Variants in OSBPL8 observed in about 807,000 individuals in gnomAD.
OSBPL8 encodes the protein oxysterol-binding protein-related protein 8.
Under a neutral mutation model 125.5 loss-of-function variants are expected in OSBPL8, and 59 were observed. The observed-to-expected ratio is 0.47, with a 90% CI of 0.38 to 0.58. OSBPL8 has a LOEUF of 0.58. OSBPL8 is among the 20% of genes least tolerant of loss of function. The pLI is 0.00. For missense variants in OSBPL8, 758 were observed against 1,047.8 expected (o/e 0.72, Z 3.82); for synonymous variants, 330 against 338.9 (o/e 0.97, Z 0.29).
chr12:76,363,936 C>T (rs929785783), intron 21 of OSBPL8, among the ~76,000 whole-genome samples: 1 of 152,150 alleles, frequency 6.6e-6, no homozygotes, highest in African/African-American at 2.4e-5. Context: ...CAATGCAAAT[C>T]AAAACCACAA....
In OSBPL8 at chr12:76,450,871, G is replaced by C; in HGVS notation, c.197C>G (p.Pro66Arg). ...TKDLHQPSLS[P>R]ASPHSQGFER... ...CCTACCCTGGCTATGAGGACTTGCT[G>C]GACTAAGAGATGGCTGATGCAAATC... The change falls in exon 4 of 24, where the codon CCA becomes CGA. Residue 66 changes from proline to arginine, a missense_variant. Transcript: ENST00000261183. The C allele has an allele frequency of 6.2e-7, 1 of 1,612,352 alleles. No homozygotes were observed. Among genetic ancestry groups the C allele is most frequent in the African/African-American group, 1.3e-5 (1 of 74,958 alleles).
chr12:76,436,992 C>A (rs1054415421), intron 4 of OSBPL8, among the ~76,000 whole-genome samples: 13 of 152,030 alleles, frequency 8.6e-5, no homozygotes, highest in African/African-American at 3.1e-4. Context: ...CATATTGATT[C>A]CTGTAGCTTT....
chr12:76,553,976 C>CAAAAAA (rs11395533), intron 1 of OSBPL8, among the ~76,000 whole-genome samples: 2 of 95,702 alleles, frequency 2.1e-5, no homozygotes, highest in African/African-American at 4.2e-5. Context: ...GACTCTATCT[C>CAAAAAA]AAAAAAAAAA....
At chr12:76,418,807 T>G (rs1869078540) in intron 4 of OSBPL8, among the ~76,000 whole-genome samples, 1 of 152,116 alleles carries the variant, frequency 6.6e-6, no homozygotes, top group South Asian at 2.1e-4. Context: ...TGCTCCAGCC[T>G]GGGCGACAGA....
chr12:76,431,352 G>A (rs1254554396), intron 4 of OSBPL8, among the ~76,000 whole-genome samples: 2 of 150,786 alleles, frequency 1.3e-5, no homozygotes, highest in Non-Finnish European at 3.0e-5. Flanking sequence ...TGAGAGAAAG[G>A]AAGAAGAGAA....
intron 4 of OSBPL8, among the ~76,000 whole-genome samples, chr12:76,430,585 A>G (rs1870690195): frequency 1.3e-5 from 2 of 152,236 alleles, no homozygotes; most frequent in Admixed American, 1.3e-4. Flanking sequence ...CAAATAATTC[A>G]AAATGATTTT....
intron 1 of OSBPL8, among the ~76,000 whole-genome samples, chr12:76,492,925 TA>T: frequency 6.6e-6 from 1 of 150,814 alleles, no homozygotes; most frequent in African/African-American, 2.5e-5. Flanking sequence ...TATATATAGA[TA>T]TATATAGATA....
intron 1 of OSBPL8, among the ~76,000 whole-genome samples, chr12:76,538,480 T>C (rs1217753019): frequency 2.0e-5 from 3 of 152,196 alleles, no homozygotes; most frequent in African/African-American, 4.8e-5. Context: ...GACACAGCTA[T>C]AGATTATTTT....
At chr12:76,529,647 T>TG (rs1364418683) in intron 1 of OSBPL8, among the ~76,000 whole-genome samples, 1 of 151,998 alleles carries the variant, frequency 6.6e-6, no homozygotes, top group Non-Finnish European at 1.5e-5. Context: ...AAGAAGCTAG[T>TG]GGGGGAAGAA....
chr12:76,537,343 T>G (rs1445346462), intron 1 of OSBPL8, among the ~76,000 whole-genome samples: 1 of 152,206 alleles, frequency 6.6e-6, no homozygotes, highest in Non-Finnish European at 1.5e-5. Context: ...ATTTATAACT[T>G]TAAACTGTTT....
intron 1 of OSBPL8, among the ~76,000 whole-genome samples, chr12:76,493,965 G>C (rs1214083371): frequency 6.6e-6 from 1 of 151,986 alleles, no homozygotes; most frequent in Admixed American, 6.6e-5. Flanking sequence ...GATCAGTTCT[G>C]CTGTTAACAG....
intron 1 of OSBPL8, among the ~76,000 whole-genome samples, chr12:76,556,184 C>T (rs1299729476): frequency 6.6e-6 from 1 of 152,180 alleles, no homozygotes; most frequent in Non-Finnish European, 1.5e-5. Context: ...CATTCATTAA[C>T]TATTGAACAT....
At chr12:76,473,482 G>A (rs1007905312) in intron 2 of OSBPL8, among the ~76,000 whole-genome samples, 2 of 152,050 alleles carry the variant, frequency 1.3e-5, no homozygotes, top group African/African-American at 4.8e-5. Context: ...AACCTTAGAT[G>A]CACATTGAAA....
At chr12:76,435,193 TAC>T (rs1871310129) in intron 4 of OSBPL8, among the ~76,000 whole-genome samples, 1 of 151,520 alleles carries the variant, frequency 6.6e-6, no homozygotes, top group African/African-American at 2.4e-5. Flanking sequence ...TGTGCATATA[TAC>T]ATAAATAGAA....
chr12:76,499,736 C>T (rs192003851), intron 1 of OSBPL8, among the ~76,000 whole-genome samples: 17 of 152,132 alleles, frequency 1.1e-4, no homozygotes, highest in Admixed American at 1.1e-3. Flanking sequence ...CTGCTGTAAT[C>T]CCAGCTACTC....
intron 1 of OSBPL8, among the ~76,000 whole-genome samples, chr12:76,492,931 T>G (rs966549743): frequency 2.7e-5 from 4 of 150,136 alleles, no homozygotes; most frequent in Non-Finnish European, 4.4e-5. Context: ...TAGATATATA[T>G]AGATATTTTT....
intron 1 of OSBPL8, among the ~76,000 whole-genome samples, chr12:76,528,417 T>C (rs1028116764): frequency 6.6e-6 from 1 of 151,924 alleles, no homozygotes; most frequent in Admixed American, 6.6e-5. Flanking sequence ...TTCACTCTTG[T>C]AAATAAGAGT....
intron 8 of OSBPL8, among the ~76,000 whole-genome samples, chr12:76,395,709 A>G (rs1202595975): frequency 1.3e-5 from 2 of 152,136 alleles, no homozygotes; most frequent in South Asian, 4.1e-4. Flanking sequence ...AAGAAACTGT[A>G]TCCTCCTTAT....
intron 1 of OSBPL8, among the ~76,000 whole-genome samples, chr12:76,553,128 T>A (rs1215178135): frequency 3.9e-5 from 6 of 152,172 alleles, no homozygotes. Flanking sequence ...TACCCGGTAA[T>A]AATGTTACTT....
Sources: allele counts gnomAD v4.1 joint callset (sites outside exome capture counted in the v4.1 genomes callset), GRCh38; gene constraint gnomAD v4.1.1; transcripts MANE v1.5; gene names NCBI Gene and HGNC (gene_info 2026-07-23, HGNC 2026-07-21).